Variants in SAMMSON observed in about 807,000 individuals in gnomAD.
The protein encoded by SAMMSON is survival associated mitochondrial melanoma specific oncogenic non-coding RNA.
intron 4 of SAMMSON, among the ~76,000 whole-genome samples, chr3:70,130,271 G>A (rs1475997760): frequency 6.6e-6 from 1 of 152,204 alleles, no homozygotes; most frequent in East Asian, 1.9e-4. Context: ...ACGTCTGTCT[G>A]TACACGGACC....
chr3:70,352,961 TAAAC>T (rs1476266978), intron 7 of SAMMSON, among the ~76,000 whole-genome samples: 2 of 151,906 alleles, frequency 1.3e-5, no homozygotes, highest in African/African-American at 4.8e-5. Flanking sequence ...CAAAGATAAA[TAAAC>T]AATTCAATGG....
chr3:70,261,312 C>T (rs1046701557), intron 6 of SAMMSON, among the ~76,000 whole-genome samples: 6 of 152,162 alleles, frequency 3.9e-5, no homozygotes, highest in Admixed American at 2.6e-4. Context: ...TTATTGCTCT[C>T]TTGGCTTGTC....
intron 7 of SAMMSON, among the ~76,000 whole-genome samples, chr3:70,307,039 C>T (rs1361785733): frequency 6.6e-6 from 1 of 152,006 alleles, no homozygotes; most frequent in Non-Finnish European, 1.5e-5. Flanking sequence ...TGTGCCAATG[C>T]AGCAATGTTT....
chr3:70,258,714 T>C (rs1701840141), intron 6 of SAMMSON, among the ~76,000 whole-genome samples: 1 of 152,140 alleles, frequency 6.6e-6, no homozygotes, highest in Non-Finnish European at 1.5e-5. Context: ...AATTGAAGCA[T>C]GTTTTTAATA....
At position 70,237,979 on chromosome 3, in the gene SAMMSON, C is replaced by CT. The variant is rs71672662; in HGVS notation, n.508-11102dup. On this transcript the variant is annotated intron_variant and non_coding_transcript_variant, in intron 4 of 9. Coordinates refer to ENST00000642114, the Ensembl canonical transcript of SAMMSON. ...GGAAAAGAAACTAATTGAGTGGTAT[C>CT]TTTTTTTTTTTTTTTTTTTTTTTTT... 1.8e-3 allele frequency among the ~76,000 whole-genome samples: 88 copies of CT among 48,946 alleles called. 16 individuals carry two copies. The East Asian group carries it at 0.026, about 14-fold the overall frequency. The allele number at this position is 48,946 out of a possible 152,430, so 32.1% of individuals were successfully genotyped here. A position where few individuals can be genotyped will look rare whatever the true frequency, so the allele number is the denominator to read the frequency against.
At chr3:70,174,921 A>G (rs1428483828) in intron 4 of SAMMSON, among the ~76,000 whole-genome samples, 1 of 152,116 alleles carries the variant, frequency 6.6e-6, no homozygotes, top group African/African-American at 2.4e-5. Flanking sequence ...AATTCTAATA[A>G]GTACTTCCCC....
chr3:70,339,748 G>A (rs2106727870), intron 7 of SAMMSON, among the ~76,000 whole-genome samples: 1 of 152,240 alleles, frequency 6.6e-6, no homozygotes, highest in Admixed American at 6.5e-5. Flanking sequence ...AAAAAGTCAG[G>A]AAACAACAGG....
intron 7 of SAMMSON, among the ~76,000 whole-genome samples, chr3:70,344,622 G>A (rs756540067): frequency 2.6e-5 from 4 of 152,174 alleles, no homozygotes; most frequent in Non-Finnish European, 5.9e-5. Flanking sequence ...ACTCTAACAC[G>A]TGCCCATGTG....
intron 2 of SAMMSON, among the ~76,000 whole-genome samples, chr3:70,421,424 T>C (rs556249222): frequency 4.9e-4 from 75 of 152,214 alleles, no homozygotes; most frequent in African/African-American, 1.5e-3. Flanking sequence ...CCAATTGATA[T>C]AGAAAAGCTA....
chr3:70,131,329 G>A (rs561828617), intron 4 of SAMMSON, among the ~76,000 whole-genome samples: 15 of 152,268 alleles, frequency 9.9e-5, no homozygotes, highest in Non-Finnish European at 1.5e-4. Context: ...AGAAGAAAGA[G>A]ACTTCTGTGG....
Position 70,019,154 on chromosome 3 carries a change from G to C in SAMMSON, n.417+5482G>C, listed in dbSNP as rs560840369. On this transcript the variant is annotated intron_variant and non_coding_transcript_variant, in intron 3 of 9. Coordinates refer to ENST00000642114, the Ensembl canonical transcript of SAMMSON. ...GATATCCTTGTTAACTTTCTGTCTC[G>C]TTGATGTGTCTAATGTTGACAGTGG... Among the ~76,000 whole-genome samples the C allele has an allele frequency of 3.9e-4, 59 of 152,224 alleles. No homozygotes were observed. The Middle Eastern group carries it at 0.01, about 26-fold the overall frequency.
chr3:70,019,729 C>A (rs992289811), intron 3 of SAMMSON, among the ~76,000 whole-genome samples: 4 of 152,126 alleles, frequency 2.6e-5, no homozygotes, highest in Admixed American at 6.6e-5. Context: ...ACCGGTTGTT[C>A]CTTTCCATGT....
At chr3:70,312,227 C>G (rs1702460431) in intron 7 of SAMMSON, among the ~76,000 whole-genome samples, 1 of 152,092 alleles carries the variant, frequency 6.6e-6, no homozygotes, top group Non-Finnish European at 1.5e-5. Flanking sequence ...TACAATTTCT[C>G]AATGTGAAAG....
intron 7 of SAMMSON, among the ~76,000 whole-genome samples, chr3:70,338,750 G>C (rs1031472063): frequency 6.6e-6 from 1 of 152,110 alleles, no homozygotes; most frequent in Non-Finnish European, 1.5e-5. Context: ...GGAAATAAGA[G>C]AGGACACAAA....
chr3:70,001,640 A>G (rs1308123730), intron 1 of SAMMSON, among the ~76,000 whole-genome samples: 1 of 151,926 alleles, frequency 6.6e-6, no homozygotes, highest in African/African-American at 2.4e-5. Context: ...TAGCACTCTG[A>G]TTTTATTTTG....
chr3:70,417,456 C>T (rs1370747213), intron 2 of SAMMSON, among the ~76,000 whole-genome samples: 1 of 152,092 alleles, frequency 6.6e-6, no homozygotes, highest in Admixed American at 6.5e-5. Flanking sequence ...TAATTTAGAG[C>T]TTTGATTTAG....
chr3:70,092,320 A>G (rs1040081378), intron 4 of SAMMSON, among the ~76,000 whole-genome samples: 1 of 152,016 alleles, frequency 6.6e-6, no homozygotes, highest in Non-Finnish European at 1.5e-5. Context: ...AATATACATG[A>G]TGGACACTTC....
At chr3:70,136,687 G>C (rs1224836761) in intron 4 of SAMMSON, among the ~76,000 whole-genome samples, 1 of 152,176 alleles carries the variant, frequency 6.6e-6, no homozygotes, top group Non-Finnish European at 1.5e-5. Context: ...TGAAAGTAGA[G>C]ACATGTATTA....
intron 9 of SAMMSON, among the ~76,000 whole-genome samples, chr3:70,366,895 A>G (rs180670831): frequency 8.6e-4 from 130 of 151,320 alleles, no homozygotes; most frequent in African/African-American, 3.0e-3. Context: ...GTTTCTTTTC[A>G]TTGTTTTAAT....
Sources: allele counts gnomAD v4.1 joint callset (sites outside exome capture counted in the v4.1 genomes callset), GRCh38; gene constraint gnomAD v4.1.1; transcripts MANE v1.5; gene names NCBI Gene and HGNC (gene_info 2026-07-23, HGNC 2026-07-21).